Variants in RBFOX1 observed in about 807,000 individuals in gnomAD.
RBFOX1 encodes the protein RNA binding protein fox-1 homolog 1.
Under a neutral mutation model 57.7 loss-of-function variants are expected in RBFOX1, and 8 were observed. The ratio of observed to expected loss-of-function variants is 0.14; its 90% confidence interval spans 0.08 to 0.25. RBFOX1 has a LOEUF of 0.25. Ranked by LOEUF, RBFOX1 falls within the 10% of genes least tolerant of loss-of-function variation. RBFOX1 has a pLI of 1.00. For synonymous variants in RBFOX1, 326 were observed against 222.4 expected (o/e 1.47, Z -4.15); for missense variants, 611 against 548.5 (o/e 1.11, Z -1.14).
chr16:6,091,115 T>C (rs143416508), intron 1 of RBFOX1, among the ~76,000 whole-genome samples: 3 of 152,338 alleles, frequency 2.0e-5, no homozygotes, highest in Non-Finnish European at 4.4e-5. Context: ...CTGTTAACTA[T>C]TGTCACCTTA....
At chr16:6,141,484 G>A (rs1597715199) in intron 1 of RBFOX1, among the ~76,000 whole-genome samples, 2 of 152,130 alleles carry the variant, frequency 1.3e-5, no homozygotes, top group African/African-American at 4.8e-5. Context: ...TTCCAACTAT[G>A]TTCATCCTCT....
chr16:7,265,693 C>G (rs1185014822), intron 4 of RBFOX1, among the ~76,000 whole-genome samples: 1 of 152,188 alleles, frequency 6.6e-6, no homozygotes, highest in African/African-American at 2.4e-5. Context: ...AGGTGATCCG[C>G]CTGCCTTAGC....
At chr16:5,898,897 TAAA>T (rs80013964) in intron 4 of RBFOX1, among the ~76,000 whole-genome samples, 2 of 138,464 alleles carry the variant, frequency 1.4e-5, no homozygotes, top group African/African-American at 2.7e-5. Flanking sequence ...CCATCTCTAT[TAAA>T]AAAAAAAAAA....
At chr16:6,642,284 C>A (rs952078844) in intron 2 of RBFOX1, among the ~76,000 whole-genome samples, 2 of 152,166 alleles carry the variant, frequency 1.3e-5, no homozygotes, top group East Asian at 1.9e-4. Context: ...AAATTATTCA[C>A]CTCATGTGAA....
intron 4 of RBFOX1, among the ~76,000 whole-genome samples, chr16:5,890,371 T>C (rs1230761413): frequency 6.6e-6 from 1 of 152,180 alleles, no homozygotes; most frequent in Non-Finnish European, 1.5e-5. Flanking sequence ...ACGGAGGTGC[T>C]GGTAGTTAAT....
intron 2 of RBFOX1, among the ~76,000 whole-genome samples, chr16:6,512,992 G>A (rs12929349): frequency 0.22 from 33,242 of 152,122 alleles, 4,178 homozygotes; most frequent in Non-Finnish European, 0.29. Context: ...ATTTTGTTAC[G>A]AATTCCTACT....
intron 4 of RBFOX1, among the ~76,000 whole-genome samples, chr16:7,263,355 G>A (rs1922593): frequency 0.31 from 47,209 of 151,842 alleles, 7,794 homozygotes; most frequent in Middle Eastern, 0.44. Context: ...CCAGAATTTC[G>A]ATGTTCTCAG....
At chr16:5,718,216 T>A (rs940621964) in intron 3 of RBFOX1, among the ~76,000 whole-genome samples, 7 of 152,236 alleles carry the variant, frequency 4.6e-5, no homozygotes, top group Middle Eastern at 3.2e-3. Context: ...TCAGTCTATC[T>A]TAATAGACAG....
intron 3 of RBFOX1, among the ~76,000 whole-genome samples, chr16:7,043,300 A>G (rs2046800658): frequency 6.6e-6 from 1 of 152,106 alleles, no homozygotes. Context: ...CTGTATCATC[A>G]TCATTATTTT....
rs543924212 is a variant in RBFOX1, at chr16:5,853,254, C to G, written c.319-14049C>G. Among the ~76,000 whole-genome samples, 44 of 152,036 alleles carry G rather than the reference C, an allele frequency of 2.9e-4. 1 individual carries two copies. The highest frequency in any genetic ancestry group is 3.1e-4 in the Non-Finnish European group (21 of 68,010). On this transcript the variant is annotated intron_variant, in intron 3 of 19. Transcript: ENST00000641259. ...TGATATCCTGGAGTTGAACAGCTCC[C>G]GGGTCTTCCAGCCAGACAACCCTCA...
At chr16:7,016,333 G>C (rs1023770786) in intron 3 of RBFOX1, among the ~76,000 whole-genome samples, 34 of 152,244 alleles carry the variant, frequency 2.2e-4, no homozygotes, top group African/African-American at 7.9e-4. Flanking sequence ...AGTTAATATG[G>C]TGTCATGGTA....
chr16:7,360,032 C>T (rs1014728473), intron 4 of RBFOX1, among the ~76,000 whole-genome samples: 1 of 151,964 alleles, frequency 6.6e-6, no homozygotes, highest in Non-Finnish European at 1.5e-5. Context: ...TGGAAAATCA[C>T]TTTTTTTAAT....
intron 1 of RBFOX1, among the ~76,000 whole-genome samples, chr16:5,287,074 G>T (rs1023885076): frequency 2.6e-5 from 4 of 152,230 alleles, no homozygotes; most frequent in African/African-American, 9.6e-5. Context: ...GGAGGATGAG[G>T]CAGGAGGACG....
At chr16:6,654,517 T>C (rs1043183768) in intron 2 of RBFOX1, 86 bp from the exon 3 acceptor site, 3 of 1,095,816 alleles carry the variant, frequency 2.7e-6, no homozygotes, top group Non-Finnish European at 3.8e-6. Flanking sequence ...TTAAAGGGCA[T>C]TTCAACAACA....
At chr16:7,697,185 A>T (rs1568521858) in intron 14 of RBFOX1, among the ~76,000 whole-genome samples, 1 of 152,198 alleles carries the variant, frequency 6.6e-6, no homozygotes, top group Non-Finnish European at 1.5e-5. Context: ...ACAGCTGTCC[A>T]GAGAGGGGTG....
Position 5,969,720 on chromosome 16 carries a change from A to G in RBFOX1, c.351+102385A>G, listed in dbSNP as rs117585964. ...TCTTTTGTTGTTTTTGCTTCTTTTC[A>G]TGTAGTTTTAAAAAATTGTCCCTTG... is the stretch of plus-strand genomic sequence containing the variant. On this transcript the variant is annotated intron_variant, in intron 4 of 19. Coordinates refer to the RBFOX1 transcript ENST00000641259. Among the ~76,000 whole-genome samples, 1,083 of 151,752 alleles carry G rather than the reference A, an allele frequency of 7.1e-3. 3 individuals are homozygous for G. The highest frequency in any genetic ancestry group is 0.01 in the Non-Finnish European group (695 of 67,902).
chr16:6,961,703 C>A (rs1237642106), intron 3 of RBFOX1, among the ~76,000 whole-genome samples: 1 of 152,086 alleles, frequency 6.6e-6, no homozygotes, highest in Non-Finnish European at 1.5e-5. Flanking sequence ...AGGTGAGGTT[C>A]CTTCCTCACC....
intron 3 of RBFOX1, among the ~76,000 whole-genome samples, chr16:7,016,343 A>G (rs1227408444): frequency 6.6e-6 from 1 of 152,180 alleles, no homozygotes; most frequent in East Asian, 1.9e-4. Context: ...GTGTCATGGT[A>G]TAAACTAGCC....
At chr16:6,774,081 G>A in intron 3 of RBFOX1, 18 of 857,186 alleles carry the variant, frequency 2.1e-5, no homozygotes, top group Non-Finnish European at 2.4e-5. Flanking sequence ...TAATTTCCTA[G>A]CTTTAAATTA....
Sources: allele counts gnomAD v4.1 joint callset (sites outside exome capture counted in the v4.1 genomes callset), GRCh38; gene constraint gnomAD v4.1.1; transcripts MANE v1.5; gene names NCBI Gene and HGNC (gene_info 2026-07-23, HGNC 2026-07-21).